The following OR2L13 variants were observed in gnomAD, a reference collection of about 807,000 sequenced individuals.
OR2L13 encodes the protein olfactory receptor 2L13.
A neutral mutation model predicts 15.3 loss-of-function variants in OR2L13; 14 were observed. The ratio of observed to expected loss-of-function variants is 0.91; its 90% CI spans 0.60 to 1.43. The LOEUF (loss-of-function observed/expected upper bound fraction) is 1.43. Ranked by LOEUF, OR2L13 falls within the 40% of genes most tolerant of loss-of-function variation. The pLI is 0.00. For missense variants in OR2L13, 367 were observed against 387.9 expected, an observed-to-expected ratio of 0.95 and a Z score of 0.45; for synonymous variants, 152 against 142.9, an observed-to-expected ratio of 1.06 and a Z score of -0.45.
chr1:248,074,677 A>G, the OR2L13 span, among the ~76,000 whole-genome samples: 1 of 152,144 alleles, frequency 6.6e-6, no homozygotes, highest in Non-Finnish European at 1.5e-5. Flanking sequence ...AAGACTACTA[A>G]AGAGGTTAAG....
At chr1:248,027,034 A>G in the OR2L13 span, among the ~76,000 whole-genome samples, 1 of 152,230 alleles carries the variant, frequency 6.6e-6, no homozygotes, top group Non-Finnish European at 1.5e-5. Flanking sequence ...GAACAGAGCC[A>G]TATTTCTCTT....
At chr1:247,962,741 C>T in the OR2L13 span, among the ~76,000 whole-genome samples, 5 of 152,094 alleles carry the variant, frequency 3.3e-5, no homozygotes, top group East Asian at 7.7e-4. Context: ...AATTGACTTT[C>T]TACAAATCGC....
chr1:247,993,809 GAGAA>G, the OR2L13 span, among the ~76,000 whole-genome samples: 229 of 132,892 alleles, frequency 1.7e-3, 1 homozygote, highest in African/African-American at 4.5e-3. Context: ...GAGAGAGAGA[GAGAA>G]AGAAAGAGAA....
In OR2L13 at chr1:248,099,616, G is replaced by T. The variant is rs764444426; in HGVS notation, c.241G>T (p.Ala81Ser). ...CATCTCCACCACCGTCCCCAAGATGGCGTACAACTTCCTGTCCGGCCAGAA... is the reference window on the plus strand; with the variant it reads ...CATCTCCACCACCGTCCCCAAGATGTCGTACAACTTCCTGTCCGGCCAGAA... The change falls in exon 3 of 3, where the codon GCG becomes TCG. Residue 81 changes from alanine to serine, a missense_variant. By Grantham distance (99) the Ala-to-Ser change is moderately conservative. Transcript: ENST00000641714. The T allele has an allele frequency of 5.0e-6, 8 of 1,613,958 alleles. No individual in the cohort carries two copies. In the South Asian group the frequency reaches 8.8e-5, roughly 18 times the overall value.
At chr1:248,073,585 C>A in the OR2L13 span, among the ~76,000 whole-genome samples, 1 of 151,282 alleles carries the variant, frequency 6.6e-6, no homozygotes, top group Non-Finnish European at 1.5e-5. Context: ...ATGTAACTAA[C>A]CTGCACATTG....
At chr1:247,969,062 T>A in the OR2L13 span, among the ~76,000 whole-genome samples, 1 of 152,192 alleles carries the variant, frequency 6.6e-6, no homozygotes, top group African/African-American at 2.4e-5. Flanking sequence ...TGGTATCTCA[T>A]TGTAGTTTTG....
At chr1:248,014,485 C>A in the OR2L13 span, among the ~76,000 whole-genome samples, 2 of 151,756 alleles carry the variant, frequency 1.3e-5, no homozygotes, top group East Asian at 1.9e-4. Flanking sequence ...TTATTTTTTT[C>A]TTTTGGTACA....
chr1:248,036,958 A>G, the OR2L13 span, among the ~76,000 whole-genome samples: 1 of 152,206 alleles, frequency 6.6e-6, no homozygotes. Context: ...TGAGGGAAGC[A>G]AAGACACAGA....
the OR2L13 span, among the ~76,000 whole-genome samples, chr1:247,971,196 C>G: frequency 6.6e-5 from 10 of 151,964 alleles, no homozygotes; most frequent in African/African-American, 2.4e-4. Flanking sequence ...TTTCACATAC[C>G]TGGAGACTGT....
At chr1:247,997,635 G>T in the OR2L13 span, among the ~76,000 whole-genome samples, 3 of 152,106 alleles carry the variant, frequency 2.0e-5, no homozygotes, top group Admixed American at 2.0e-4. Flanking sequence ...TCAAGCTATA[G>T]AGTTTCATGA....
chr1:247,951,418 G>T, the OR2L13 span, among the ~76,000 whole-genome samples: 1 of 152,082 alleles, frequency 6.6e-6, no homozygotes, highest in African/African-American at 2.4e-5. Flanking sequence ...GATGTCTTTC[G>T]ATTTGTTTGT....
At chr1:248,004,431 TTTTG>T in the OR2L13 span, among the ~76,000 whole-genome samples, 1 of 152,228 alleles carries the variant, frequency 6.6e-6, no homozygotes, top group East Asian at 1.9e-4. Flanking sequence ...AAATTTACAT[TTTTG>T]TTTATGTCTA....
the OR2L13 span, chr1:248,083,614 A>T: frequency 3.8e-6 from 5 of 1,331,184 alleles, no homozygotes; most frequent in Non-Finnish European, 5.4e-6. Flanking sequence ...TCAGGAACTT[A>T]GAGTCATTTG....
At chr1:248,033,841 A>G in the OR2L13 span, among the ~76,000 whole-genome samples, 1 of 151,938 alleles carries the variant, frequency 6.6e-6, no homozygotes, top group Non-Finnish European at 1.5e-5. Context: ...AAGGATGCTC[A>G]CTCTTACCTC....
At chr1:247,958,856 T>C in the OR2L13 span, among the ~76,000 whole-genome samples, 1 of 152,158 alleles carries the variant, frequency 6.6e-6, no homozygotes, top group African/African-American at 2.4e-5. Context: ...GAGATGGTTT[T>C]CCTGAATACA....
the OR2L13 span, among the ~76,000 whole-genome samples, chr1:247,968,881 G>C: frequency 6.6e-6 from 1 of 152,102 alleles, no homozygotes; most frequent in African/African-American, 2.4e-5. Flanking sequence ...GGCTGGGTCA[G>C]ATGGTATTTC....
At chr1:248,071,705 G>C in the OR2L13 span, among the ~76,000 whole-genome samples, 11,980 of 147,116 alleles carry the variant, frequency 0.081, 673 homozygotes, top group African/African-American at 0.15. Context: ...TTGCAGACGA[G>C]ATGATTGTAT....
chr1:247,990,773 A>C, the OR2L13 span: 1 of 1,602,366 alleles, frequency 6.2e-7, no homozygotes, highest in Non-Finnish European at 8.5e-7. Flanking sequence ...CCATATTGCA[A>C]GTCCAGAGCC....
chr1:247,980,718 C>T, the OR2L13 span, among the ~76,000 whole-genome samples: 7 of 152,172 alleles, frequency 4.6e-5, no homozygotes, highest in Non-Finnish European at 8.8e-5. Context: ...AGTCATTAAA[C>T]TTGTTCTTCA....
Sources: allele counts gnomAD v4.1 joint callset (sites outside exome capture counted in the v4.1 genomes callset), GRCh38; gene constraint gnomAD v4.1.1; transcripts MANE v1.5; gene names NCBI Gene and HGNC (gene_info 2026-07-23, HGNC 2026-07-21).